Variants in ABCA13 observed in about 807,000 individuals in gnomAD.
ABCA13 encodes the protein ATP binding cassette subfamily A member 13, also known as ATP-binding cassette sub-family A member 13.
In ABCA13, 476 loss-of-function variants were observed where a neutral mutation model predicts 478.7. The ratio of observed to expected loss-of-function variants is 0.99; its 90% CI spans 0.92 to 1.07. ABCA13 has a LOEUF of 1.07. Ranked by LOEUF, ABCA13 falls within the 50% of genes least tolerant of loss-of-function variation. The pLI is 0.00. For synonymous variants in ABCA13, 2,252 were observed against 2,158.9 expected (o/e 1.04, Z -1.20); for missense variants, 6,060 against 5,910.6 (o/e 1.03, Z -0.83).
At position 48,623,951 on chromosome 7, in the gene ABCA13, C is replaced by T. The variant is rs1793406595; in HGVS notation, c.14837+8574C>T. On this transcript the variant is annotated intron_variant, in intron 59 of 61. Coordinates refer to ENST00000435803, the MANE Select transcript of ABCA13 (RefSeq NM_152701.5). ...ATTGAGGGTAGGTCGTTAGGTTGAGCAGCTGAGCTGAACGGACTCTTGGGC... is the reference window on the plus strand; with the variant it reads ...ATTGAGGGTAGGTCGTTAGGTTGAGTAGCTGAGCTGAACGGACTCTTGGGC... 2.0e-5 allele frequency among the ~76,000 whole-genome samples: 3 copies of T among 152,128 alleles called. No individual in the cohort carries two copies. The South Asian group carries it at 6.2e-4, about 32-fold the overall frequency.
chr7:48,243,562 T>C (rs1274061880), intron 10 of ABCA13, among the ~76,000 whole-genome samples: 2 of 152,238 alleles, frequency 1.3e-5, no homozygotes, highest in Admixed American at 1.3e-4. Flanking sequence ...TACCAGTTCC[T>C]GCTGGTGTCT....
chr7:48,322,770 C>T lies in ABCA13; in HGVS notation c.9999+5474C>T, dbSNP rs115015653. On this transcript the variant is annotated intron_variant, in intron 27 of 61. Transcript: ENST00000435803. ...TAAGTTCGGCAGGCTTTTTTTCGGT[C>T]GACAGCTCTCACATTTGTCTGGATC... is the stretch of plus-strand genomic sequence containing the variant. 4.1e-3 allele frequency among the ~76,000 whole-genome samples: 631 copies of T among 152,126 alleles called. 5 individuals carry two copies. The highest frequency in any genetic ancestry group is 0.014 in the African/African-American group (589 of 41,508).
At chr7:48,386,068 T>G (rs369821347) in intron 35 of ABCA13, among the ~76,000 whole-genome samples, 4 of 152,186 alleles carry the variant, frequency 2.6e-5, no homozygotes, top group South Asian at 4.1e-4. Context: ...CTTTGTCAGA[T>G]GCATAGTTAA....
intron 1 of ABCA13, among the ~76,000 whole-genome samples, chr7:48,177,570 C>T (rs1795055462): frequency 6.6e-6 from 1 of 152,218 alleles, no homozygotes; most frequent in Admixed American, 6.5e-5. Context: ...AGAGGGTTCT[C>T]AGGTGGTGTA....
intron 18 of ABCA13, among the ~76,000 whole-genome samples, chr7:48,281,090 GA>G (rs1468733288): frequency 6.6e-6 from 1 of 152,158 alleles, no homozygotes; most frequent in Non-Finnish European, 1.5e-5. Context: ...TAGAACAAAA[GA>G]AGAAAGAAAA....
At chr7:48,230,749 GTCCA>G (rs1012585477) in intron 7 of ABCA13, among the ~76,000 whole-genome samples, 41 of 148,930 alleles carry the variant, frequency 2.8e-4, no homozygotes, top group East Asian at 1.6e-3. Flanking sequence ...CCATCCATCC[GTCCA>G]TCCATCCATC....
At chr7:48,644,810 A>G in intron 61 of ABCA13, 56 bp downstream of exon 61, 1 of 1,456,564 alleles carries the variant, frequency 6.9e-7, no homozygotes, top group Non-Finnish European at 9.1e-7. Context: ...ATCAGACCTA[A>G]TGTAGCCAAT....
At chr7:48,630,026 A>G (rs1012341174) in intron 59 of ABCA13, among the ~76,000 whole-genome samples, 1 of 152,092 alleles carries the variant, frequency 6.6e-6, no homozygotes, top group Non-Finnish European at 1.5e-5. Context: ...ATTTTGTTCT[A>G]CTTTTCCTTT....
intron 13 of ABCA13, among the ~76,000 whole-genome samples, chr7:48,247,085 A>G (rs1210918522): frequency 6.6e-6 from 1 of 152,058 alleles, no homozygotes; most frequent in East Asian, 1.9e-4. Flanking sequence ...AATGAAAACA[A>G]AAATTAGCCA....
chr7:48,348,105 C>A (rs573650747), intron 29 of ABCA13, among the ~76,000 whole-genome samples: 2 of 152,282 alleles, frequency 1.3e-5, no homozygotes, highest in Admixed American at 1.3e-4. Flanking sequence ...AAGATAAATT[C>A]TTTAAACCAA....
rs1380490129 is a variant in ABCA13 at position 48,275,255 on chromosome 7, C to T, written c.5589C>T (p.His1863=). 9.9e-6 allele frequency: 16 copies of T among 1,613,740 alleles called. No individual in the cohort carries two copies. Among genetic ancestry groups the T allele is most frequent in the Non-Finnish European group, 1.3e-5 (15 of 1,179,852 alleles). The change falls in exon 17 of 62, where the codon CAC becomes CAT. Residue 1863 remains histidine (H), a synonymous_variant. Coordinates refer to ENST00000435803, the MANE Select transcript of ABCA13 (RefSeq NM_152701.5). ...TGGCCAGTATACTTGATCATTTCCA[C>T]CTGTCTCCCCAAGGTGAAGATTCAC... The part of the protein sequence containing the change: ...GKVASILDHF[H]LSPQGEDSPC...
At chr7:48,599,003 T>A (rs1381138919) in intron 58 of ABCA13, among the ~76,000 whole-genome samples, 1 of 152,032 alleles carries the variant, frequency 6.6e-6, no homozygotes, top group Non-Finnish European at 1.5e-5. Context: ...TATGATTTAT[T>A]TTTGGACTCT....
intron 42 of ABCA13, among the ~76,000 whole-genome samples, chr7:48,441,389 G>C (rs10230009): frequency 1.3e-5 from 2 of 151,926 alleles, no homozygotes; most frequent in Non-Finnish European, 2.9e-5. Flanking sequence ...CTACTCCTGG[G>C]CTGCACCTGC....
intron 55 of ABCA13, among the ~76,000 whole-genome samples, chr7:48,537,804 C>A (rs1833684131): frequency 6.6e-6 from 1 of 151,772 alleles, no homozygotes; most frequent in Admixed American, 6.6e-5. Flanking sequence ...GAGCAGGTGA[C>A]CAGGGGTGAC....
At chr7:48,357,780 T>A (rs1391335431) in intron 31 of ABCA13, among the ~76,000 whole-genome samples, 1 of 151,938 alleles carries the variant, frequency 6.6e-6, no homozygotes, top group African/African-American at 2.4e-5. Context: ...TGCCACTTGC[T>A]ACTTTTAAGC....
intron 10 of ABCA13, among the ~76,000 whole-genome samples, chr7:48,242,639 G>A (rs1880737): frequency 0.72 from 108,821 of 151,940 alleles, 39,566 homozygotes; most frequent in East Asian, 0.99. Flanking sequence ...GGGTTTCACC[G>A]TATTGGCCAG....
In ABCA13 at chr7:48,279,847, T is replaced by C; in HGVS notation, c.8653T>C (p.Cys2885Arg). 1 of 1,569,860 alleles carries C rather than the reference T, an allele frequency of 6.4e-7. No individual in the cohort carries two copies. The highest frequency in any genetic ancestry group is 8.6e-7 in the Non-Finnish European group (1 of 1,162,612). ...DFPYSFKPFFCLEKYLGGLFV... is the reference protein window; with the variant it reads ...DFPYSFKPFFRLEKYLGGLFV... ...TCCTTATAGTTTCAAACCATTTTTC[T>C]GTTTGGAGAAATACCTGGGAGGATT... The change falls in exon 18 of 62, where the codon TGT becomes CGT. Residue 2885 changes from cysteine to arginine, a missense_variant. Cys to Arg is a radical substitution (Grantham distance 180). This residue lies in a region of ABCA13 where 4,423 missense variants were observed against 4,309.1 expected (regional missense o/e 1.03). Transcript: ENST00000435803.
chr7:48,366,325 A>G (rs1444912082), intron 31 of ABCA13, among the ~76,000 whole-genome samples: 3 of 151,164 alleles, frequency 2.0e-5, no homozygotes, highest in African/African-American at 7.3e-5. Flanking sequence ...CTGCTTGAGT[A>G]TTTTTTTCCC....
At chr7:48,494,100 T>C (rs954056330) in intron 48 of ABCA13, among the ~76,000 whole-genome samples, 2 of 152,144 alleles carry the variant, frequency 1.3e-5, no homozygotes, top group African/African-American at 4.8e-5. Context: ...TGTATATCTC[T>C]TTTGGAATCC....
Sources: gnomAD v4.1 joint callset for allele counts (sites outside exome capture counted in the v4.1 genomes callset) on GRCh38, gnomAD v4.1.1 for gene constraint, gnomAD v4.1.1 regional missense constraint, MANE v1.5 for transcripts, NCBI Gene and HGNC (gene_info 2026-07-23, HGNC 2026-07-21) for gene names.